The following ATP8A2 variants were observed in gnomAD, a reference collection of about 807,000 sequenced individuals.
The protein encoded by ATP8A2 is ATPase phospholipid transporting 8A2.
A neutral mutation model predicts 165.6 loss-of-function variants in ATP8A2; 100 were observed. The observed-to-expected ratio is 0.60, with a 90% confidence interval of 0.51 to 0.71. The LOEUF (loss-of-function observed/expected upper bound fraction) is 0.71, where lower values mean the gene tolerates loss of function less well. Ranked by LOEUF, ATP8A2 falls within the 30% of genes least tolerant of loss-of-function variation. The probability of loss-of-function intolerance (pLI) is 0.00; values close to 1 mark genes in which losing one functional copy is unlikely to be tolerated. For missense variants in ATP8A2, 1,227 were observed against 1,479.5 expected (o/e 0.83, Z 2.80); for synonymous variants, 543 against 548.8 (o/e 0.99, Z 0.15).
rs1953879703 is a variant in ATP8A2 at position 25,904,760 on chromosome 13, T to G, written c.3183+42352T>G. 5.3e-5 allele frequency among the ~76,000 whole-genome samples: 8 copies of G among 152,350 alleles called. No homozygotes were observed. The South Asian group carries it at 1.4e-3, about 28-fold the overall frequency. On this transcript the variant is annotated intron_variant, in intron 33 of 36. Transcript: ENST00000381655. ...CACATTGTGTGTCATATCCATATCC[T>G]ACACCATTGGAGTTCCTCATTCTCT... is the stretch of plus-strand genomic sequence containing the variant.
rs374397075 is a variant in ATP8A2, at chr13:25,953,522, TAA to T, written c.3184-8030_3184-8029del. ...GTAGCCCTGGTTACTCCAGCCTTTT[TAA>T]AAAAAAAAAAAAAAAAAAAAAAGCA... On this transcript the variant is annotated intron_variant, in intron 33 of 36. Coordinates refer to ENST00000381655, the MANE Select transcript of ATP8A2 (RefSeq NM_016529.6). This position sits in a 1 kb window ranked among gnomAD's most constrained non-coding sequence, Gnocchi z 6.7. Among the ~76,000 whole-genome samples the T allele has an allele frequency of 5.0e-3, 474 of 94,958 alleles. 8 individuals carry two copies. The South Asian group carries it at 0.053, about 11-fold the overall frequency. The allele number at this position is 94,958 out of a possible 152,430, so 62.3% of individuals were successfully genotyped here. A position where few individuals can be genotyped will look rare whatever the true frequency, so the allele number is the denominator to read the frequency against.
chr13:25,621,999 C>G (rs12854931), intron 24 of ATP8A2, among the ~76,000 whole-genome samples: 1 of 151,794 alleles, frequency 6.6e-6, no homozygotes, highest in Non-Finnish European at 1.5e-5. Flanking sequence ...ATGGTGAAAC[C>G]CCATCTCTAC....
At chr13:25,948,519 G>T (rs1053792873) in intron 33 of ATP8A2, among the ~76,000 whole-genome samples, 1 of 152,100 alleles carries the variant, frequency 6.6e-6, no homozygotes, top group Non-Finnish European at 1.5e-5. Context: ...TTGGAGCCCC[G>T]GCAGCCTGCT....
rs534656699 is a variant in ATP8A2 at position 25,642,209 on chromosome 13, C to A, written c.2211+52510C>A. ...GGCATGGGCAAGGACTTCATGTCTA[C>A]AACACCAAAAGCAATGGCAACAAAA... On this transcript the variant is annotated intron_variant, in intron 24 of 36. Coordinates refer to ENST00000381655, the MANE Select transcript of ATP8A2 (RefSeq NM_016529.6). Among the ~76,000 whole-genome samples, 167 of 152,180 alleles carry A rather than the reference C, an allele frequency of 1.1e-3. 2 individuals carry two copies. Among genetic ancestry groups the A allele is most frequent in the African/African-American group, 3.8e-3 (157 of 41,534 alleles).
At position 25,489,654 on chromosome 13, in the gene ATP8A2, G is replaced by A. The variant is rs555415372; in HGVS notation, c.221+20533G>A. ...TTTGCTGAAGGACTGCGCTCTGCAA[G>A]CGAAGGTCAGAATTGAACAGAAAAT... On this transcript the variant is annotated intron_variant, in intron 2 of 36. Transcript: ENST00000381655. 1.9e-4 allele frequency among the ~76,000 whole-genome samples: 29 copies of A among 152,340 alleles called. 3 individuals are homozygous for A. The South Asian group carries it at 4.8e-3, about 25-fold the overall frequency.
chr13:25,591,190 T>A (rs1291057646), intron 24 of ATP8A2: 2 of 441,100 alleles, frequency 4.5e-6, no homozygotes, highest in Admixed American at 4.8e-5. Flanking sequence ...CATTTAAGTG[T>A]ACAGTTCAGT....
At chr13:25,805,087 T>C (rs1047155303) in intron 27 of ATP8A2, among the ~76,000 whole-genome samples, 1 of 152,236 alleles carries the variant, frequency 6.6e-6, no homozygotes, top group Admixed American at 6.5e-5. Flanking sequence ...AGAGTTTTGT[T>C]AAAATAACTT....
Position 25,720,815 on chromosome 13 carries a change from C to G in ATP8A2, c.2384+21470C>G, listed in dbSNP as rs118103212. On this transcript the variant is annotated intron_variant, in intron 25 of 36. Coordinates refer to ENST00000381655, the MANE Select transcript of ATP8A2 (RefSeq NM_016529.6). ...AATCCCTGTGCTACGACAGCCTCTG[C>G]TAAGAACTTCATGCAACTTGTCTTA... Among the ~76,000 whole-genome samples the G allele has an allele frequency of 3.2e-3, 492 of 152,340 alleles. 3 individuals carry two copies. Among genetic ancestry groups the G allele is most frequent in the Non-Finnish European group, 5.3e-3 (364 of 68,040 alleles).
intron 26 of ATP8A2, among the ~76,000 whole-genome samples, chr13:25,769,436 C>G (rs555471883): frequency 5.3e-5 from 8 of 152,324 alleles, no homozygotes; most frequent in Non-Finnish European, 1.0e-4. Context: ...TTGGATTTCT[C>G]TGGCCAGCTA....
intron 27 of ATP8A2, among the ~76,000 whole-genome samples, chr13:25,779,782 G>T (rs1007109714): frequency 6.6e-6 from 1 of 152,182 alleles, no homozygotes; most frequent in African/African-American, 2.4e-5. Flanking sequence ...AAAACTCTTT[G>T]ATGTTGACAA....
chr13:25,931,154 C>A lies in ATP8A2; in HGVS notation c.3184-30421C>A, dbSNP rs1487054387. ...GACAGGACGCCACGGGTGGACAATT[C>A]CACACCTGGGCTGATGTGCTGAGTC... On this transcript the variant is annotated intron_variant, in intron 33 of 36. Transcript: ENST00000381655. Among the ~76,000 whole-genome samples the A allele has an allele frequency of 2.0e-5, 3 of 152,174 alleles. No homozygotes were observed. In the East Asian group the frequency reaches 5.8e-4, roughly 29 times the overall value.
intron 34 of ATP8A2, among the ~76,000 whole-genome samples, chr13:25,963,457 G>A (rs1261696088): frequency 6.6e-6 from 1 of 151,900 alleles, no homozygotes; most frequent in Non-Finnish European, 1.5e-5. Context: ...TATTAGTTCT[G>A]TTATTTGCTC....
At position 25,657,052 on chromosome 13, in the gene ATP8A2, CAAAAAAAAAAAAAA is replaced by C. The variant is rs57955107; in HGVS notation, c.2212-42105_2212-42092del. Among the ~76,000 whole-genome samples, 10 of 67,706 alleles carry C rather than the reference CAAAAAAAAAAAAAA, an allele frequency of 1.5e-4. No individual in the cohort carries two copies. In the East Asian group the frequency reaches 2.7e-3, roughly 18 times the overall value. 44.4% of individuals were successfully genotyped at this position (67,706 alleles called of 152,430 possible). A position where few individuals can be genotyped will look rare whatever the true frequency, so the allele number is the denominator to read the frequency against. ...TGGGTGACAGATCGAGACTCTGTCT[CAAAAAAAAAAAAAA>C]AAAAAAAAAAAAAAAGACAGATAGT... On this transcript the variant is annotated intron_variant, in intron 24 of 36. Transcript: ENST00000381655.
chr13:25,673,486 A>ATTT (rs2042308051), intron 24 of ATP8A2, among the ~76,000 whole-genome samples: 2 of 152,264 alleles, frequency 1.3e-5, no homozygotes, highest in Non-Finnish European at 2.9e-5. Flanking sequence ...TTATAGAAAT[A>ATTT]GAAGTCAAAC....
chr13:25,386,772 C>T (rs958230677), intron 1 of ATP8A2, among the ~76,000 whole-genome samples: 112 of 152,038 alleles, frequency 7.4e-4, no homozygotes, highest in African/African-American at 2.2e-3. Context: ...CTGAGGCGGG[C>T]GGATCACAAG....
At chr13:25,848,490 C>G (rs1951927193) in intron 30 of ATP8A2, among the ~76,000 whole-genome samples, 1 of 152,234 alleles carries the variant, frequency 6.6e-6, no homozygotes, top group Non-Finnish European at 1.5e-5. Context: ...CACTGGGTGA[C>G]TGCCTGGGCA....
intron 24 of ATP8A2, among the ~76,000 whole-genome samples, chr13:25,636,746 T>A (rs543646182): frequency 1.3e-5 from 2 of 152,282 alleles, no homozygotes; most frequent in East Asian, 3.9e-4. Context: ...TCTCCCCATA[T>A]GTGCATGTTT....
rs778760006 is a variant in ATP8A2 at position 25,828,166 on chromosome 13, C to T, written c.2728C>T (p.Arg910Cys). Residue 910 changes from arginine to cysteine, a missense_variant, in exon 28 of 37, where the codon CGT becomes TGT. Physicochemically the swap from Arg to Cys is radical, Grantham distance 180 (BLOSUM62 -3). Transcript: ENST00000381655. ...NGFSGQILFE[R>C]WCIGLYNVIF... is the part of the protein sequence containing the mutation. ...ATTTTCTGGGCAGATTTTATTTGAA[C>T]GTTGGTGCATCGGCCTGTACAATGT... The T allele has an allele frequency of 1.9e-6, 3 of 1,613,958 alleles. No individual in the cohort carries two copies. The African/African-American group carries it at 4.0e-5, about 22-fold the overall frequency.
rs547016936 is a variant in ATP8A2 at position 25,508,433 on chromosome 13, G to C, written c.222-21566G>C. The stretch of plus-strand genomic sequence containing the variant: ...TACAAAGCCTGGAAATAAAGTAAAT[G>C]CTCATCATAGAAGAATGGCTGAATA... On this transcript the variant is annotated intron_variant, in intron 2 of 36. Transcript: ENST00000381655. Among the ~76,000 whole-genome samples, 5 of 152,262 alleles carry C rather than the reference G, an allele frequency of 3.3e-5. No individual in the cohort carries two copies. In the South Asian group the frequency reaches 1.0e-3, roughly 32 times the overall value.
Sources: allele counts gnomAD v4.1 joint callset (sites outside exome capture counted in the v4.1 genomes callset), GRCh38; gene constraint gnomAD v4.1.1; non-coding constraint Gnocchi (gnomAD v3.1); transcripts MANE v1.5; gene names NCBI Gene and HGNC (gene_info 2026-07-23, HGNC 2026-07-21).